The following PACRG variants were observed in gnomAD, a reference collection of about 807,000 sequenced individuals.
PACRG encodes the protein parkin coregulated, also known as parkin coregulated gene protein.
Under a neutral mutation model 29.7 loss-of-function variants are expected in PACRG, and 29 were observed. The observed-to-expected ratio is 0.98, with a 90% confidence interval of 0.73 to 1.33. The LOEUF (loss-of-function observed/expected upper bound fraction) is 1.33. Among genes scored for constraint, PACRG ranks in the 40% most tolerant of loss-of-function variants. PACRG has a pLI of 0.00. For synonymous variants in PACRG, 116 were observed against 118.7 expected (o/e 0.98, Z 0.15); for missense variants, 279 against 316.2 (o/e 0.88, Z 0.89).
chr6:162,911,637 G>A (rs1796310219), intron 2 of PACRG, among the ~76,000 whole-genome samples: 1 of 152,182 alleles, frequency 6.6e-6, no homozygotes, highest in Non-Finnish European at 1.5e-5. Flanking sequence ...CAGAAGTAGA[G>A]GGTCTGTGTT....
chr6:162,755,595 C>T (rs1000965439), intron 1 of PACRG, among the ~76,000 whole-genome samples: 8 of 152,022 alleles, frequency 5.3e-5, no homozygotes, highest in Admixed American at 5.2e-4. Flanking sequence ...GCCACCATGC[C>T]CGGCTAATTT....
At chr6:163,292,458 A>G (rs1019356573) in intron 4 of PACRG, among the ~76,000 whole-genome samples, 1 of 152,090 alleles carries the variant, frequency 6.6e-6, no homozygotes, top group African/African-American at 2.4e-5. Flanking sequence ...CTGGAGTGCA[A>G]TGGCACGATC....
At chr6:163,269,904 AAG>A (rs1783709290) in intron 4 of PACRG, among the ~76,000 whole-genome samples, 1 of 75,922 alleles carries the variant, frequency 1.3e-5, no homozygotes, top group East Asian at 3.3e-4. Flanking sequence ...CAAAGAAAGA[AAG>A]AAAGAAAGAA....
rs144023143 is a variant in PACRG, at chr6:162,752,473, A to T, written c.156+24082A>T. On this transcript the variant is annotated intron_variant, in intron 1 of 4. Transcript: ENST00000366888. ...TTCCTGGAATTTTCTGGAGGTTTCC[A>T]TTGCTTTCCTGATTGTGACAAGGAC... is the stretch of plus-strand genomic sequence containing the variant. Among the ~76,000 whole-genome samples, 459 of 152,278 alleles carry T rather than the reference A, an allele frequency of 3.0e-3. 4 individuals are homozygous for T. The highest frequency in any genetic ancestry group is 0.01 in the African/African-American group (419 of 41,558).
At chr6:163,178,155 C>G (rs2128351600) in intron 4 of PACRG, among the ~76,000 whole-genome samples, 1 of 152,286 alleles carries the variant, frequency 6.6e-6, no homozygotes, top group African/African-American at 2.4e-5. Flanking sequence ...GGCTCCCTGC[C>G]TGGCACCAGG....
At chr6:162,727,539 G>T (rs1006067815), upstream of PACRG, 1 of 1,110,134 alleles carries the variant, frequency 9.0e-7, no homozygotes, top group Non-Finnish European at 1.3e-6. Context: ...GGGACGGCAC[G>T]GGCACTTTGG....
rs973807308 is a variant in PACRG, at chr6:163,269,201, C to T, written c.614-45626C>T. Among the ~76,000 whole-genome samples the T allele has an allele frequency of 3.3e-5, 5 of 152,254 alleles. No homozygotes were observed. The East Asian group carries it at 9.7e-4, about 29-fold the overall frequency. ...ACATCCTCCTGGCTGGAAGGACTCA[C>T]GTTGTTGGTTTTGCCCATCCAGCAC... On this transcript the variant is annotated intron_variant, in intron 4 of 4. Transcript: ENST00000366888.
At chr6:162,887,603 T>C (rs1209540634) in intron 2 of PACRG, among the ~76,000 whole-genome samples, 2 of 152,174 alleles carry the variant, frequency 1.3e-5, no homozygotes, top group African/African-American at 2.4e-5. Context: ...AACTAACATA[T>C]CAGGGTGAAA....
chr6:162,929,373 TGTAA>T lies in PACRG; in HGVS notation c.291+115095_291+115098del, dbSNP rs1562744372. On this transcript the variant is annotated intron_variant, in intron 2 of 4. Transcript: ENST00000366888. ...TCTGATTATACACCCATTGGCTATT[TGTAA>T]GTCTTCTTTGGAGAAATGTCTATTG... 2.0e-5 allele frequency among the ~76,000 whole-genome samples: 3 copies of T among 152,176 alleles called. No individual in the cohort carries two copies. In the East Asian group the frequency reaches 5.8e-4, roughly 29 times the overall value.
chr6:162,819,812 A>G (rs1787686572), intron 2 of PACRG, among the ~76,000 whole-genome samples: 1 of 152,226 alleles, frequency 6.6e-6, no homozygotes, highest in African/African-American at 2.4e-5. Context: ...AATTATGAGC[A>G]TTCAAATAAG....
chr6:162,890,134 T>C (rs1794648054), intron 2 of PACRG, among the ~76,000 whole-genome samples: 1 of 152,242 alleles, frequency 6.6e-6, no homozygotes, highest in African/African-American at 2.4e-5. Context: ...CAATTGCCAT[T>C]TGTTATTGAA....
At chr6:163,162,962 C>T (rs1448100904) in intron 4 of PACRG, among the ~76,000 whole-genome samples, 1 of 152,200 alleles carries the variant, frequency 6.6e-6, no homozygotes. Flanking sequence ...CTGTAGGACT[C>T]ACCAGAGACC....
chr6:162,932,268 G>A (rs539883962), intron 2 of PACRG, among the ~76,000 whole-genome samples: 7 of 152,144 alleles, frequency 4.6e-5, no homozygotes, highest in East Asian at 1.9e-4. Flanking sequence ...GAGAGGAATC[G>A]TAAAGAAGCA....
intron 4 of PACRG, chr6:163,190,979 A>G (rs1585317441): frequency 2.2e-6 from 1 of 456,120 alleles, no homozygotes; most frequent in South Asian, 1.6e-5. Flanking sequence ...TGTTCCTGAA[A>G]CAACTGAAAT....
chr6:162,947,471 A>C (rs1260223369), intron 2 of PACRG, among the ~76,000 whole-genome samples: 1 of 12,806 alleles, frequency 7.8e-5, no homozygotes, highest in South Asian at 4.6e-3. Context: ...ATCATATATA[A>C]TATATATATA....
At chr6:162,730,622 A>T (rs919796588) in intron 1 of PACRG, among the ~76,000 whole-genome samples, 1 of 152,176 alleles carries the variant, frequency 6.6e-6, no homozygotes, top group African/African-American at 2.4e-5. Flanking sequence ...GCTTATTTAA[A>T]CAATCTGGAT....
intron 2 of PACRG, among the ~76,000 whole-genome samples, chr6:163,021,557 C>A (rs1016175609): frequency 1.3e-5 from 2 of 152,176 alleles, no homozygotes; most frequent in Admixed American, 1.3e-4. Context: ...GCTCCCACCG[C>A]AACCTGATCG....
intron 4 of PACRG, among the ~76,000 whole-genome samples, chr6:163,244,437 C>A (rs999782917): frequency 6.6e-6 from 1 of 152,118 alleles, no homozygotes; most frequent in Non-Finnish European, 1.5e-5. Flanking sequence ...CACTGCCGTG[C>A]CTTGCAATTG....
chr6:163,046,536 A>C (rs1401182651), intron 2 of PACRG: 1 of 151,956 alleles, frequency 6.6e-6, no homozygotes, highest in Non-Finnish European at 1.5e-5. Flanking sequence ...GCTCCGTTAC[A>C]TTTCCACCAG....
Sources: allele counts gnomAD v4.1 joint callset (sites outside exome capture counted in the v4.1 genomes callset), GRCh38; gene constraint gnomAD v4.1.1; transcripts MANE v1.5; gene names NCBI Gene and HGNC (gene_info 2026-07-23, HGNC 2026-07-21).